Variants in GRIA4 observed in about 807,000 individuals in gnomAD.
GRIA4 encodes the protein glutamate receptor 4.
GRIA4 carries 34 observed loss-of-function variants against 104.0 expected under a neutral mutation model. The ratio of observed to expected loss-of-function variants is 0.33; its 90% confidence interval spans 0.25 to 0.44. The LOEUF (loss-of-function observed/expected upper bound fraction) is 0.44, where lower values mean the gene tolerates loss of function less well. Among genes scored for constraint, GRIA4 ranks in the 20% least tolerant of loss-of-function variants. The pLI, the probability that GRIA4 is intolerant of heterozygous loss-of-function variation, is 1.00. For synonymous variants in GRIA4, 386 were observed against 381.9 expected (o/e 1.01, Z -0.13); for missense variants, 750 against 1,096.5 (o/e 0.68, Z 4.46).
At chr11:105,678,903 T>C (rs1235598323) in intron 3 of GRIA4, among the ~76,000 whole-genome samples, 1 of 152,126 alleles carries the variant, frequency 6.6e-6, no homozygotes, top group Non-Finnish European at 1.5e-5. Context: ...GGATTATAGT[T>C]AATTTTCCCC....
At chr11:105,737,947 G>A (rs1429668770) in intron 3 of GRIA4, among the ~76,000 whole-genome samples, 1 of 152,106 alleles carries the variant, frequency 6.6e-6, no homozygotes, top group Non-Finnish European at 1.5e-5. Flanking sequence ...GTTTAAAGGA[G>A]ATAAATAATA....
intron 14 of GRIA4, among the ~76,000 whole-genome samples, chr11:105,959,616 G>C (rs1177450896): frequency 6.6e-6 from 1 of 152,124 alleles, no homozygotes; most frequent in East Asian, 1.9e-4. Context: ...TTCTCTATCT[G>C]ATCTTCCATC....
chr11:105,796,266 T>C (rs1942476792), intron 4 of GRIA4, among the ~76,000 whole-genome samples: 1 of 152,156 alleles, frequency 6.6e-6, no homozygotes, highest in African/African-American at 2.4e-5. Context: ...CTCTCTACCA[T>C]GTGTTTATTT....
chr11:105,961,753 A>G (rs1305109673), intron 14 of GRIA4, among the ~76,000 whole-genome samples: 2 of 152,206 alleles, frequency 1.3e-5, no homozygotes, highest in African/African-American at 4.8e-5. Flanking sequence ...GATTAGGGAT[A>G]CTCAATTAGT....
At chr11:105,843,436 G>A (rs1419427217) in intron 4 of GRIA4, among the ~76,000 whole-genome samples, 1 of 152,140 alleles carries the variant, frequency 6.6e-6, no homozygotes, top group Non-Finnish European at 1.5e-5. Flanking sequence ...GCCTATCTTT[G>A]AATACTCTCA....
At chr11:105,729,031 C>G (rs189543829) in intron 3 of GRIA4, among the ~76,000 whole-genome samples, 1 of 152,012 alleles carries the variant, frequency 6.6e-6, no homozygotes, top group Admixed American at 6.5e-5. Flanking sequence ...GATAGAGACA[C>G]GAAAAACACT....
intron 4 of GRIA4, among the ~76,000 whole-genome samples, chr11:105,842,257 T>C (rs993226096): frequency 2.3e-4 from 35 of 152,100 alleles, no homozygotes; most frequent in African/African-American, 8.5e-4. Context: ...AGAGAGAGAA[T>C]GACATTGTAA....
At chr11:105,627,229 G>C (rs1027765201) in intron 3 of GRIA4, among the ~76,000 whole-genome samples, 1 of 152,108 alleles carries the variant, frequency 6.6e-6, no homozygotes, top group African/African-American at 2.4e-5. Flanking sequence ...ACAGGAAAAA[G>C]TGTAAGGTGT....
At chr11:105,717,692 T>C (rs1591130518) in intron 3 of GRIA4, among the ~76,000 whole-genome samples, 1 of 152,018 alleles carries the variant, frequency 6.6e-6, no homozygotes, top group South Asian at 2.1e-4. Flanking sequence ...ACAGCCTTTG[T>C]TCTCTCTTTT....
intron 14 of GRIA4, among the ~76,000 whole-genome samples, chr11:105,951,412 A>G (rs1948452531): frequency 6.6e-6 from 1 of 152,214 alleles, no homozygotes; most frequent in Admixed American, 6.5e-5. Flanking sequence ...AATGAATGCT[A>G]TTCAGAGATA....
chr11:105,704,726 T>C (rs1953630076), intron 3 of GRIA4, among the ~76,000 whole-genome samples: 1 of 152,110 alleles, frequency 6.6e-6, no homozygotes, highest in Non-Finnish European at 1.5e-5. Flanking sequence ...GTAAGATTTC[T>C]ATAAGAAAAA....
At chr11:105,621,160 C>T (rs1950734973) in intron 3 of GRIA4, among the ~76,000 whole-genome samples, 1 of 151,750 alleles carries the variant, frequency 6.6e-6, no homozygotes. Context: ...AAGCTATAAT[C>T]ACTATTTGCT....
intron 3 of GRIA4, among the ~76,000 whole-genome samples, chr11:105,684,976 T>C (rs1326481379): frequency 6.6e-6 from 1 of 152,194 alleles, no homozygotes; most frequent in African/African-American, 2.4e-5. Context: ...TTTGCAATGA[T>C]TCCTCTTGTC....
At chr11:105,874,674 G>T (rs1224573335) in intron 5 of GRIA4, among the ~76,000 whole-genome samples, 1 of 152,082 alleles carries the variant, frequency 6.6e-6, no homozygotes, top group Non-Finnish European at 1.5e-5. Flanking sequence ...TATTCTCTTT[G>T]TAGCAATTGT....
At chr11:105,893,678 C>A (rs1388992980) in intron 6 of GRIA4, among the ~76,000 whole-genome samples, 1 of 152,152 alleles carries the variant, frequency 6.6e-6, no homozygotes, top group Admixed American at 6.5e-5. Flanking sequence ...CCTCTTTATG[C>A]TGCAGCTGTG....
chr11:105,698,788 C>T (rs565009946), intron 3 of GRIA4, among the ~76,000 whole-genome samples: 169 of 152,326 alleles, frequency 1.1e-3, no homozygotes, highest in Middle Eastern at 3.4e-3. Context: ...ATGATCCACA[C>T]GCAGGTGTGG....
intron 3 of GRIA4, among the ~76,000 whole-genome samples, chr11:105,626,659 A>G (rs1472845683): frequency 3.3e-5 from 5 of 152,216 alleles, no homozygotes; most frequent in African/African-American, 9.6e-5. Flanking sequence ...GAATGGTTAA[A>G]CTAATTAACA....
At chr11:105,741,250 G>A (rs1214435939) in intron 3 of GRIA4, among the ~76,000 whole-genome samples, 1 of 152,194 alleles carries the variant, frequency 6.6e-6, no homozygotes, top group Non-Finnish European at 1.5e-5. Context: ...AAGGTTTTGA[G>A]GGGGGGAAAT....
chr11:105,636,420 T>A (rs1951203226), intron 3 of GRIA4, among the ~76,000 whole-genome samples: 1 of 152,184 alleles, frequency 6.6e-6, no homozygotes. Context: ...TCAGAGTGAC[T>A]TTTTATTCAA....
Sources: gnomAD v4.1 joint callset for allele counts (sites outside exome capture counted in the v4.1 genomes callset) on GRCh38, gnomAD v4.1.1 for gene constraint, MANE v1.5 for transcripts, NCBI Gene and HGNC (gene_info 2026-07-23, HGNC 2026-07-21) for gene names.